Variants in STEAP1B observed in about 807,000 individuals in gnomAD.
STEAP1B encodes the protein STEAP family member 1B.
STEAP1B carries 13 observed loss-of-function variants against 27.9 expected under a neutral mutation model. That is an observed-to-expected ratio of 0.47 (90% CI 0.30 to 0.74). The LOEUF (loss-of-function observed/expected upper bound fraction) is 0.74. Among genes scored for constraint, STEAP1B ranks in the 30% least tolerant of loss-of-function variants. The pLI is 0.06. For synonymous variants in STEAP1B, 86 were observed against 107.1 expected (o/e 0.80, Z 1.22); for missense variants, 250 against 298.7 (o/e 0.84, Z 1.20).
At chr7:22,473,638 C>A (rs1041858617) in intron 4 of STEAP1B, among the ~76,000 whole-genome samples, 5 of 152,176 alleles carry the variant, frequency 3.3e-5, no homozygotes, top group African/African-American at 1.2e-4. Flanking sequence ...TACCTGGTCT[C>A]CAACCCCAGA....
intron 4 of STEAP1B, among the ~76,000 whole-genome samples, chr7:22,459,149 C>T (rs1785637273): frequency 6.6e-6 from 1 of 152,210 alleles, no homozygotes. Context: ...TTCCTCCGAG[C>T]TATTTGCACT....
intron 4 of STEAP1B, among the ~76,000 whole-genome samples, chr7:22,457,422 T>C (rs1161401438): frequency 6.6e-6 from 1 of 152,170 alleles, no homozygotes. Context: ...TGCCACACAC[T>C]GTGGTGAAGC....
At chr7:22,458,151 A>G (rs1270805464) in intron 4 of STEAP1B, among the ~76,000 whole-genome samples, 1 of 152,278 alleles carries the variant, frequency 6.6e-6, no homozygotes, top group Non-Finnish European at 1.5e-5. Flanking sequence ...TCTTCATTCA[A>G]TAAACATATC....
intron 4 of STEAP1B, among the ~76,000 whole-genome samples, chr7:22,476,013 T>G (rs185539219): frequency 0.027 from 4,037 of 152,168 alleles, 171 homozygotes; most frequent in African/African-American, 0.092. Flanking sequence ...CTATTTGGCC[T>G]CTTGAACCTG....
intron 4 of STEAP1B, chr7:22,492,319 CAA>C (rs56679156): frequency 0.087 from 4,699 of 53,906 alleles, 99 homozygotes; most frequent in East Asian, 0.11. Flanking sequence ...ACTTCATCTC[CAA>C]AAAAAAAAAA....
intron 4 of STEAP1B, among the ~76,000 whole-genome samples, chr7:22,473,475 C>A (rs1785920508): frequency 6.6e-6 from 1 of 152,316 alleles, no homozygotes; most frequent in East Asian, 1.9e-4. Flanking sequence ...ACTTCTACTA[C>A]CATCCAACCT....
intron 1 of STEAP1B, among the ~76,000 whole-genome samples, chr7:22,495,644 G>A (rs75371402): frequency 0.43 from 64,806 of 151,884 alleles, 13,905 homozygotes; most frequent in Admixed American, 0.46. Context: ...ATTTCCAGAG[G>A]AACACATCTT....
chr7:22,454,865 A>ATTTTTTTTTTTTTT (rs367804282), intron 4 of STEAP1B, among the ~76,000 whole-genome samples: 1 of 126,160 alleles, frequency 7.9e-6, no homozygotes, highest in African/African-American at 3.2e-5. Context: ...ATATATATAT[A>ATTTTTTTTTTTTTT]TTTTTTTTTT....
intron 4 of STEAP1B, chr7:22,438,823 A>G (rs1785289947): frequency 2.0e-6 from 3 of 1,470,802 alleles, no homozygotes; most frequent in Non-Finnish European, 1.8e-6. Flanking sequence ...AAGCCCTGTG[A>G]TAAGTGTATA....
intron 4 of STEAP1B, among the ~76,000 whole-genome samples, chr7:22,440,713 G>C (rs1234884226): frequency 1.3e-5 from 2 of 151,894 alleles, no homozygotes; most frequent in African/African-American, 4.8e-5. Flanking sequence ...AAAATTAAAA[G>C]CTTGTTTTCA....
Position 22,492,185 on chromosome 7 carries a change from G to A in STEAP1B, c.762+380C>T, listed in dbSNP as rs557963885. Among the ~76,000 whole-genome samples, 7 of 151,732 alleles carry A rather than the reference G, an allele frequency of 4.6e-5. No homozygotes were observed. The South Asian group carries it at 1.5e-3, about 32-fold the overall frequency. On this transcript the variant is annotated intron_variant, in intron 4 of 4. Coordinates refer to ENST00000678116, the MANE Select transcript of STEAP1B (RefSeq NM_001382447.1). Reference sequence around the variant, plus strand: ...AATACAAAAATTAGCTGGACATGGTGATGGGTGCCTGTAATCCCAGCTACT... The same window carrying A: ...AATACAAAAATTAGCTGGACATGGTAATGGGTGCCTGTAATCCCAGCTACT...
intron 4 of STEAP1B, among the ~76,000 whole-genome samples, chr7:22,422,478 C>A (rs1785055626): frequency 6.6e-6 from 1 of 151,158 alleles, no homozygotes; most frequent in South Asian, 2.1e-4. Context: ...GGAAAATAAA[C>A]TTGCTTATTT....
At chr7:22,496,524 G>C (rs1583357907) in intron 1 of STEAP1B, among the ~76,000 whole-genome samples, 1 of 152,154 alleles carries the variant, frequency 6.6e-6, no homozygotes, top group South Asian at 2.1e-4. Context: ...TTCATAGCAA[G>C]CGTCCTGTAC....
intron 4 of STEAP1B, among the ~76,000 whole-genome samples, chr7:22,439,992 AC>A (rs1436249422): frequency 6.6e-6 from 1 of 152,172 alleles, no homozygotes; most frequent in Admixed American, 6.5e-5. Context: ...TTAAATAACT[AC>A]TTGGCAAATC....
At chr7:22,478,728 A>C (rs1786016337) in intron 4 of STEAP1B, among the ~76,000 whole-genome samples, 1 of 152,236 alleles carries the variant, frequency 6.6e-6, no homozygotes, top group East Asian at 1.9e-4. Flanking sequence ...GACGTTCTCC[A>C]CACTGTCTAG....
chr7:22,492,658 T>C lies in STEAP1B; in HGVS notation c.669A>G (p.Gly223=). 6.2e-7 allele frequency: 1 copy of C among 1,613,620 alleles called. No individual in the cohort carries two copies. Among genetic ancestry groups the C allele is most frequent in the South Asian group, 1.1e-5 (1 of 91,024 alleles). The change falls in exon 4 of 5, where the codon GGA becomes GGG. Residue 223 remains glycine (G), a synonymous_variant. Transcript: ENST00000678116. ...VWRMEIYVSL[G]IVGLAILALL... is the part of the protein sequence containing the mutation. ...GAGCCAGTATTGCCAGTCCCACAAT[T>C]CCCAGAGACACATAAATCTCCATTC...
chr7:22,480,991 T>C (rs771393087), intron 4 of STEAP1B, among the ~76,000 whole-genome samples: 8 of 152,230 alleles, frequency 5.3e-5, no homozygotes, highest in Non-Finnish European at 1.0e-4. Flanking sequence ...TGGTTACCAC[T>C]TAGGTGTTCA....
At chr7:22,468,152 A>C (rs1290498572) in intron 4 of STEAP1B, among the ~76,000 whole-genome samples, 1 of 152,184 alleles carries the variant, frequency 6.6e-6, no homozygotes, top group African/African-American at 2.4e-5. Context: ...AGAATATAGT[A>C]TAAGTATGTT....
At chr7:22,460,998 A>C (rs1277724373) in intron 4 of STEAP1B, among the ~76,000 whole-genome samples, 4 of 152,192 alleles carry the variant, frequency 2.6e-5, no homozygotes, top group Admixed American at 1.3e-4. Context: ...GAGGCAATAC[A>C]TTGATAAATG....
Sources: gnomAD v4.1 joint callset for allele counts (sites outside exome capture counted in the v4.1 genomes callset) on GRCh38, gnomAD v4.1.1 for gene constraint, MANE v1.5 for transcripts, NCBI Gene and HGNC (gene_info 2026-07-23, HGNC 2026-07-21) for gene names.